PARD3: variants seen among roughly 807,000 people sequenced by gnomAD.
PARD3 encodes the protein partitioning defective 3 homolog.
In PARD3, 75 loss-of-function variants were observed where a neutral mutation model predicts 155.4. The observed-to-expected ratio is 0.48, with a 90% CI of 0.40 to 0.58. PARD3 has a LOEUF of 0.58. Among genes scored for constraint, PARD3 ranks in the 20% least tolerant of loss-of-function variants. The pLI is 0.00. For missense variants in PARD3, 1,642 were observed against 1,721.7 expected, an observed-to-expected ratio of 0.95 and a Z score of 0.82; for synonymous variants, 576 against 610.5, an observed-to-expected ratio of 0.94 and a Z score of 0.83.
rs142673837 is a variant in PARD3, at chr10:34,360,125, G to A, written c.1842C>T (p.His614=). The A allele has an allele frequency of 7.5e-5, 121 of 1,613,936 alleles. No homozygotes were observed. The highest frequency in any genetic ancestry group is 1.6e-4 in the Middle Eastern group (1 of 6,084). The change falls in exon 13 of 25, where the codon CAC becomes CAT. Residue 614 remains histidine, a synonymous_variant. Coordinates refer to ENST00000374788, the MANE Select transcript of PARD3 (RefSeq NM_001184785.2). ...ACTTGACAAAGATTCCCAAATCTGC[G>A]TGGTTCTCTTTTGACCGGTTACCTT... is the stretch of plus-strand genomic sequence containing the variant. ...SVKGNRSKEN[H]ADLGIFVKSI...
At chr10:34,748,231 A>G (rs1835551843) in intron 1 of PARD3, among the ~76,000 whole-genome samples, 1 of 152,130 alleles carries the variant, frequency 6.6e-6, no homozygotes. Flanking sequence ...GCACTTTGGG[A>G]GGGTGAGGCA....
intron 14 of PARD3, among the ~76,000 whole-genome samples, chr10:34,351,350 G>A (rs1338819023): frequency 6.6e-6 from 1 of 152,146 alleles, no homozygotes; most frequent in Non-Finnish European, 1.5e-5. Flanking sequence ...AAGTGAGTGA[G>A]TCATAATTTC....
chr10:34,480,708 G>A (rs777007684), intron 3 of PARD3, among the ~76,000 whole-genome samples: 9 of 149,518 alleles, frequency 6.0e-5, no homozygotes, highest in Admixed American at 2.0e-4. Flanking sequence ...TTCCCAATTC[G>A]TTTTTTAAAT....
In PARD3 at chr10:34,429,866, T is replaced by A. The variant is rs536876809; in HGVS notation, c.714+20451A>T. On this transcript the variant is annotated intron_variant, in intron 5 of 24. Transcript: ENST00000374788. Reference sequence around the variant, plus strand: ...TCCCAAAGTGCTGGGATTACAGGCGTGAGCCACTGCACCCAGCCTAACCCA... The same window carrying A: ...TCCCAAAGTGCTGGGATTACAGGCGAGAGCCACTGCACCCAGCCTAACCCA... Among the ~76,000 whole-genome samples the A allele has an allele frequency of 6.9e-4, 105 of 152,322 alleles. 1 individual carries two copies. Among genetic ancestry groups the A allele is most frequent in the South Asian group, 6.6e-3 (32 of 4,826 alleles).
intron 22 of PARD3, among the ~76,000 whole-genome samples, chr10:34,227,489 T>A (rs905151562): frequency 4.0e-5 from 6 of 151,820 alleles, no homozygotes; most frequent in Admixed American, 2.6e-4. Flanking sequence ...TACAAAAAAA[T>A]AAGCTGGACA....
intron 1 of PARD3, among the ~76,000 whole-genome samples, chr10:34,752,577 T>G (rs1157310428): frequency 1.3e-5 from 2 of 151,926 alleles, no homozygotes; most frequent in Non-Finnish European, 2.9e-5. Context: ...AGCTGACTAC[T>G]ATGAAGACCA....
chr10:34,345,914 C>T, intron 15 of PARD3: 1 of 984,958 alleles, frequency 1.0e-6, no homozygotes, highest in East Asian at 1.1e-4. Flanking sequence ...CAAGATGAAT[C>T]AAAATATGCA....
intron 1 of PARD3, among the ~76,000 whole-genome samples, chr10:34,761,234 A>C (rs1187679160): frequency 6.6e-6 from 1 of 151,910 alleles, no homozygotes; most frequent in Non-Finnish European, 1.5e-5. Flanking sequence ...AACATGGTGA[A>C]CTTCCATCTC....
chr10:34,435,458 T>A (rs1390399055), intron 5 of PARD3, among the ~76,000 whole-genome samples: 3 of 152,108 alleles, frequency 2.0e-5, no homozygotes, highest in African/African-American at 7.2e-5. Context: ...CAGATCCAAA[T>A]AGGTAGTAAG....
intron 22 of PARD3, among the ~76,000 whole-genome samples, chr10:34,212,519 A>C (rs768135988): frequency 5.9e-5 from 9 of 152,332 alleles, no homozygotes; most frequent in Non-Finnish European, 8.8e-5. Context: ...AGATATATTC[A>C]GAAAAGGGTC....
chr10:34,317,150 T>C lies in PARD3; in HGVS notation c.3022A>G (p.Lys1008Glu). The change falls in exon 20 of 25, where the codon AAA (lysine) becomes GAA (glutamate). Residue 1008 changes from lysine (K) to glutamate (E), a missense_variant. By Grantham distance (56) the Lys-to-Glu change is moderately conservative (BLOSUM62 1). Coordinates refer to ENST00000374788, the MANE Select transcript of PARD3 (RefSeq NM_001184785.2). ...CCCTTCAGCATTCCCTTCTTGGCTT[T>C]CATTTTATCCTTCTCCTTATCTCTA... ...KDRDKEKDKM[K>E]AKKGMLKGLG... The C allele has an allele frequency of 6.3e-7, 1 of 1,583,136 alleles. No homozygotes were observed. The highest frequency in any genetic ancestry group is 8.6e-7 in the Non-Finnish European group (1 of 1,163,212).
chr10:34,628,343 C>T (rs2092086998), intron 2 of PARD3, among the ~76,000 whole-genome samples: 1 of 152,166 alleles, frequency 6.6e-6, no homozygotes, highest in Admixed American at 6.5e-5. Context: ...TTAAGTAAAA[C>T]CTGATTGGGA....
At chr10:34,132,399 C>T (rs1947662514) in intron 22 of PARD3, among the ~76,000 whole-genome samples, 1 of 126,692 alleles carries the variant, frequency 7.9e-6, no homozygotes, top group Non-Finnish European at 1.6e-5. Context: ...ATTTGGGGAT[C>T]TCCCAGCTGG....
At chr10:34,636,102 G>A (rs1367292598) in intron 2 of PARD3, among the ~76,000 whole-genome samples, 3 of 151,958 alleles carry the variant, frequency 2.0e-5, no homozygotes, top group East Asian at 1.9e-4. Flanking sequence ...GAAGGAAGAC[G>A]GAAGGAAGAA....
chr10:34,267,189 C>A (rs1955361927), intron 22 of PARD3, among the ~76,000 whole-genome samples: 1 of 152,082 alleles, frequency 6.6e-6, no homozygotes, highest in East Asian at 1.9e-4. Flanking sequence ...TCCTTTCTCC[C>A]AGGAAAACAA....
chr10:34,221,414 A>C (rs1269266510), intron 22 of PARD3, among the ~76,000 whole-genome samples: 6 of 141,900 alleles, frequency 4.2e-5, no homozygotes, highest in Non-Finnish European at 6.0e-5. Flanking sequence ...TTTGATAAGT[A>C]AAAATTGTAG....
chr10:34,172,952 C>T (rs1397160299), intron 22 of PARD3, among the ~76,000 whole-genome samples: 1 of 152,142 alleles, frequency 6.6e-6, no homozygotes, highest in African/African-American at 2.4e-5. Context: ...ACTACCTGCT[C>T]TGCTACTAGT....
chr10:34,767,930 AAG>A (rs1198849115), intron 1 of PARD3, among the ~76,000 whole-genome samples: 1 of 152,120 alleles, frequency 6.6e-6, no homozygotes. Flanking sequence ...TCAAAAAAAA[AAG>A]AGATTTTTAA....
At chr10:34,446,101 G>T (rs181072403) in intron 5 of PARD3, among the ~76,000 whole-genome samples, 2 of 152,288 alleles carry the variant, frequency 1.3e-5, no homozygotes, top group East Asian at 3.9e-4. Flanking sequence ...CTTTTACAAA[G>T]AGCCACAAAA....
Sources: gnomAD v4.1 joint callset for allele counts (sites outside exome capture counted in the v4.1 genomes callset) on GRCh38, gnomAD v4.1.1 for gene constraint, MANE v1.5 for transcripts, NCBI Gene and HGNC (gene_info 2026-07-23, HGNC 2026-07-21) for gene names.